The following VPS53 variants were observed in gnomAD, a reference collection of about 807,000 sequenced individuals.
VPS53 encodes VPS53 subunit of GARP complex, also known as vacuolar protein sorting-associated protein 53 homolog.
VPS53 carries 70 observed loss-of-function variants against 107.0 expected under a neutral mutation model. The ratio of observed to expected loss-of-function variants is 0.65; its 90% CI spans 0.54 to 0.80. VPS53 has a LOEUF of 0.80. VPS53 is among the 30% of genes least tolerant of loss of function. VPS53 has a pLI of 0.00. For synonymous variants in VPS53, 409 were observed against 393.3 expected, an observed-to-expected ratio of 1.04 and a Z score of -0.47; for missense variants, 917 against 1,049.4, an observed-to-expected ratio of 0.87 and a Z score of 1.74.
intron 13 of VPS53, among the ~76,000 whole-genome samples, chr17:571,574 G>C (rs8082165): frequency 7.5e-6 from 1 of 134,044 alleles, no homozygotes; most frequent in African/African-American, 2.6e-5. Context: ...CTCTTTCCAC[G>C]GTCTCCCTCT....
intron 4 of VPS53, among the ~76,000 whole-genome samples, chr17:662,353 A>T (rs1298676862): frequency 6.6e-6 from 1 of 152,142 alleles, no homozygotes; most frequent in Non-Finnish European, 1.5e-5. Flanking sequence ...AATCTTAAAG[A>T]CTTTCATAGT....
intron 2 of VPS53, among the ~76,000 whole-genome samples, chr17:710,119 TGAA>T (rs1973582991): frequency 6.6e-6 from 1 of 152,120 alleles, no homozygotes; most frequent in East Asian, 1.9e-4. Flanking sequence ...CACTCCAGCC[TGAA>T]CGACAACAGC....
intron 13 of VPS53, among the ~76,000 whole-genome samples, chr17:573,701 G>A (rs927367405): frequency 1.3e-5 from 2 of 152,154 alleles, no homozygotes; most frequent in Admixed American, 1.3e-4. Flanking sequence ...ACAGTGTAGA[G>A]GGGCTAGCTA....
chr17:656,618 G>A (rs1246567240), intron 5 of VPS53, among the ~76,000 whole-genome samples: 1 of 152,102 alleles, frequency 6.6e-6, no homozygotes, highest in Non-Finnish European at 1.5e-5. Context: ...ATATTCAATA[G>A]AGAAGTTGGA....
At position 558,270 on chromosome 17, in the gene VPS53, A is replaced by G. The variant is rs1161529513; in HGVS notation, c.1704+2156T>C. On this transcript the variant is annotated intron_variant, in intron 15 of 21. Coordinates refer to ENST00000437048, the MANE Select transcript of VPS53 (RefSeq NM_001128159.3). ...ATCACGAGGTCAGGAGATTGAGACC[A>G]TCCTGGCTAACACAGTGAAACCCCG... Among the ~76,000 whole-genome samples the G allele has an allele frequency of 2.0e-5, 3 of 152,208 alleles. No homozygotes were observed. The East Asian group carries it at 5.8e-4, about 29-fold the overall frequency.
intron 12 of VPS53, among the ~76,000 whole-genome samples, chr17:587,383 C>T (rs1967374066): frequency 6.6e-6 from 1 of 152,006 alleles, no homozygotes; most frequent in African/African-American, 2.4e-5. Context: ...ATTTTATACC[C>T]CCAAATTTTA....
At chr17:603,686 G>T (rs1267592038) in intron 11 of VPS53, among the ~76,000 whole-genome samples, 1 of 152,072 alleles carries the variant, frequency 6.6e-6, no homozygotes, top group African/African-American at 2.4e-5. Context: ...ACCCAAGCAA[G>T]TATTTCACAT....
At chr17:525,693 C>G (rs373586352) in intron 19 of VPS53, among the ~76,000 whole-genome samples, 17 of 149,516 alleles carry the variant, frequency 1.1e-4, no homozygotes, top group Admixed American at 8.7e-4. Flanking sequence ...GACCCTGTCT[C>G]TTAAGAAAAG....
intron 7 of VPS53, among the ~76,000 whole-genome samples, chr17:632,992 A>C (rs906436244): frequency 2.6e-5 from 4 of 152,262 alleles, no homozygotes; most frequent in Non-Finnish European, 5.9e-5. Flanking sequence ...TTAAGTTCAG[A>C]AGTTTGTGAA....
Position 631,595 on chromosome 17 carries a change from T to C in VPS53, c.642A>G (p.Gln214=). Residue 214 remains glutamine, a synonymous_variant, in exon 8 of 22, where the codon CAA becomes CAG. Coordinates refer to ENST00000437048, the MANE Select transcript of VPS53 (RefSeq NM_001128159.3). The part of the protein sequence containing the change: ...VKAAQTELGQ[Q]ILADFEEAFP... ...ACGCTTCTTCAAAATCTGCCAGGAT[T>C]TGCTGTCCTAACTCAGTCTGTGCAG... The C allele has an allele frequency of 1.2e-6, 2 of 1,614,050 alleles. No individual in the cohort carries two copies. Among genetic ancestry groups the C allele is most frequent in the Non-Finnish European group, 8.5e-7 (1 of 1,180,000 alleles).
chr17:694,401 T>G (rs368112167), intron 4 of VPS53, among the ~76,000 whole-genome samples: 8 of 152,254 alleles, frequency 5.3e-5, no homozygotes, highest in African/African-American at 1.7e-4. Context: ...GAACCACAGG[T>G]TGAAACGTAA....
Position 667,658 on chromosome 17 carries a change from G to C in VPS53, c.286-5763C>G, listed in dbSNP as rs1219830500. Reference sequence around the variant, plus strand: ...GACTGTTTTAAACATAATGTTCTGGGGGGGGGGGCAATGGGTTAATTACAG... The same window carrying C: ...GACTGTTTTAAACATAATGTTCTGGCGGGGGGGGCAATGGGTTAATTACAG... On this transcript the variant is annotated intron_variant, in intron 4 of 21. Coordinates refer to ENST00000437048, the MANE Select transcript of VPS53 (RefSeq NM_001128159.3). Among the ~76,000 whole-genome samples, 324 of 103,728 alleles carry C rather than the reference G, an allele frequency of 3.1e-3. 2 individuals are homozygous for C. The highest frequency in any genetic ancestry group is 4.7e-3 in the Non-Finnish European group (242 of 51,346). The allele number at this position is 103,728 out of a possible 152,430, so 68.0% of individuals were successfully genotyped here.
At chr17:525,030 G>A (rs141151526) in intron 19 of VPS53, among the ~76,000 whole-genome samples, 61 of 152,280 alleles carry the variant, frequency 4.0e-4, no homozygotes, top group African/African-American at 1.4e-3. Flanking sequence ...CAACCTACAC[G>A]TCCATTGACA....
At chr17:599,157 G>A (rs1311951351) in intron 12 of VPS53, among the ~76,000 whole-genome samples, 5 of 147,410 alleles carry the variant, frequency 3.4e-5, no homozygotes, top group South Asian at 2.2e-4. Context: ...CCGGCCAGCC[G>A]CCCCGCCCGG....
At chr17:525,355 G>A (rs1197775150) in intron 19 of VPS53, among the ~76,000 whole-genome samples, 1 of 152,134 alleles carries the variant, frequency 6.6e-6, no homozygotes, top group African/African-American at 2.4e-5. Flanking sequence ...CATGGGGGCG[G>A]TCTTCAGCAA....
chr17:676,488 A>G (rs182355402), intron 4 of VPS53: 10 of 152,342 alleles, frequency 6.6e-5, no homozygotes, highest in Non-Finnish European at 1.3e-4. Flanking sequence ...CCTGGGTACT[A>G]GCCAGAGCAG....
chr17:614,744 C>T (rs371793509), intron 11 of VPS53, among the ~76,000 whole-genome samples: 20 of 152,244 alleles, frequency 1.3e-4, no homozygotes, highest in Admixed American at 7.8e-4. Flanking sequence ...CTTTTGCAAA[C>T]GCTCTTACAC....
chr17:601,667 G>A (rs555044411), intron 12 of VPS53, 128 bp downstream of exon 12: 4 of 669,964 alleles, frequency 6.0e-6, no homozygotes, highest in African/African-American at 5.5e-5. Context: ...AAGGCCTTCT[G>A]TAAAGACCAC....
chr17:548,686 G>T (rs1344921011), intron 17 of VPS53, among the ~76,000 whole-genome samples: 4 of 152,242 alleles, frequency 2.6e-5, no homozygotes, highest in East Asian at 3.8e-4. Flanking sequence ...TCCCAGCAGG[G>T]TATAGACTCC....
Sources: allele counts gnomAD v4.1 joint callset (sites outside exome capture counted in the v4.1 genomes callset), GRCh38; gene constraint gnomAD v4.1.1; transcripts MANE v1.5; gene names NCBI Gene and HGNC (gene_info 2026-07-23, HGNC 2026-07-21).